MCC: variants seen among roughly 807,000 people sequenced by gnomAD.
MCC encodes MCC regulator of Wnt signaling pathway, also known as colorectal mutant cancer protein.
MCC carries 90 observed loss-of-function variants against 116.2 expected under a neutral mutation model. The observed-to-expected ratio is 0.77, with a 90% CI of 0.65 to 0.92. The LOEUF (loss-of-function observed/expected upper bound fraction) is 0.92. MCC is among the 40% of genes least tolerant of loss of function. The pLI, the probability that MCC is intolerant of heterozygous loss-of-function variation, is 0.00. For synonymous variants in MCC, 578 were observed against 510.5 expected (o/e 1.13, Z -1.78); for missense variants, 1,516 against 1,312.2 (o/e 1.16, Z -2.40).
At chr5:113,456,900 G>C (rs1338087966) in intron 1 of MCC, among the ~76,000 whole-genome samples, 1 of 152,070 alleles carries the variant, frequency 6.6e-6, no homozygotes, top group Non-Finnish European at 1.5e-5. Flanking sequence ...CAGATTTTCA[G>C]ATTTGGGGTG....
At chr5:113,222,744 AAC>A (rs1763597429) in intron 3 of MCC, among the ~76,000 whole-genome samples, 1 of 152,238 alleles carries the variant, frequency 6.6e-6, no homozygotes, top group African/African-American at 2.4e-5. Context: ...TACAGTGTCA[AAC>A]ACTCTGCTAG....
At chr5:113,140,816 G>A (rs181851064) in intron 5 of MCC, among the ~76,000 whole-genome samples, 2 of 152,242 alleles carry the variant, frequency 1.3e-5, no homozygotes, top group Admixed American at 6.5e-5. Context: ...GTAGACCGTG[G>A]GTATGCTAGG....
intron 2 of MCC, among the ~76,000 whole-genome samples, chr5:113,345,486 G>A (rs960956650): frequency 6.6e-5 from 10 of 152,200 alleles, no homozygotes; most frequent in East Asian, 1.9e-4. Context: ...CTTCAGGTCC[G>A]ACTCAGTGTA....
intron 3 of MCC, among the ~76,000 whole-genome samples, chr5:113,155,448 T>C (rs903798163): frequency 6.6e-6 from 1 of 152,226 alleles, no homozygotes; most frequent in African/African-American, 2.4e-5. Flanking sequence ...AGGGTTTTTT[T>C]AGGAACCTCC....
chr5:113,059,249 C>G (rs1299633896), intron 14 of MCC, among the ~76,000 whole-genome samples: 1 of 152,206 alleles, frequency 6.6e-6, no homozygotes, highest in South Asian at 2.1e-4. Flanking sequence ...TCAAGATAAA[C>G]CTCACAGCCC....
intron 3 of MCC, among the ~76,000 whole-genome samples, chr5:113,198,587 C>A (rs116693359): frequency 0.011 from 1,722 of 151,272 alleles, 11 homozygotes; most frequent in South Asian, 0.033. Context: ...ACCTGTGGTC[C>A]CAGCTACTCG....
chr5:113,041,847 T>C (rs1042980860), intron 17 of MCC, among the ~76,000 whole-genome samples: 2 of 151,880 alleles, frequency 1.3e-5, no homozygotes, highest in Non-Finnish European at 2.9e-5. Flanking sequence ...ATACAAAAAA[T>C]TAGCCAGGTG....
intron 1 of MCC, among the ~76,000 whole-genome samples, chr5:113,418,686 TATTATC>T (rs772583481): frequency 3.2e-3 from 320 of 101,098 alleles, no homozygotes; most frequent in African/African-American, 0.013. Flanking sequence ...TCTTCATCAT[TATTATC>T]ATCATCATCA....
At chr5:113,191,346 A>C (rs1762141486) in intron 3 of MCC, among the ~76,000 whole-genome samples, 1 of 152,174 alleles carries the variant, frequency 6.6e-6, no homozygotes, top group South Asian at 2.1e-4. Flanking sequence ...GAATAAGAGG[A>C]GGTCCCCTCA....
intron 1 of MCC, among the ~76,000 whole-genome samples, chr5:113,414,453 T>C (rs1224282166): frequency 6.6e-6 from 1 of 152,232 alleles, no homozygotes. Context: ...TGGGTGTTCC[T>C]GTATTGAGTG....
chr5:113,395,038 C>T (rs1769489860), intron 1 of MCC, among the ~76,000 whole-genome samples: 1 of 152,140 alleles, frequency 6.6e-6, no homozygotes, highest in Non-Finnish European at 1.5e-5. Flanking sequence ...GTTTGCAAAT[C>T]TGTACTAGGC....
intron 4 of MCC, among the ~76,000 whole-genome samples, chr5:113,144,529 T>TC (rs1759377542): frequency 6.6e-6 from 1 of 152,138 alleles, no homozygotes; most frequent in Non-Finnish European, 1.5e-5. Context: ...CCCCTGTCCC[T>TC]CCCTAAATCA....
chr5:113,071,105 G>C lies in MCC; in HGVS notation c.1914C>G (p.Ala638=), dbSNP rs1373802604. The change falls in exon 12 of 19, where the codon GCC becomes GCG. Residue 638 remains alanine (A), a synonymous_variant. Coordinates refer to ENST00000408903, the MANE Select transcript of MCC (RefSeq NM_001085377.2). The part of the protein sequence containing the change: ...YESNATALRL[A]LQYSEQCIEA... ...CAGTGTGTGCCTACCTGTACTGCAA[G>C]GCCAGCCTCAGCGCTGTGGCATTGG... 6.3e-7 allele frequency: 1 copy of C among 1,586,746 alleles called. No homozygotes were observed. Among genetic ancestry groups the C allele is most frequent in the Non-Finnish European group, 8.6e-7 (1 of 1,168,702 alleles).
intron 6 of MCC, among the ~76,000 whole-genome samples, chr5:113,109,796 T>G (rs969242830): frequency 6.6e-5 from 10 of 152,052 alleles, no homozygotes; most frequent in Non-Finnish European, 1.3e-4. Flanking sequence ...TAAAAAAAAT[T>G]TTCCCCTGTG....
At chr5:113,162,252 T>C (rs1276612692) in intron 3 of MCC, among the ~76,000 whole-genome samples, 1 of 152,084 alleles carries the variant, frequency 6.6e-6, no homozygotes, top group East Asian at 1.9e-4. Context: ...GAAAACAACA[T>C]GAAAAAACAG....
At chr5:113,327,561 A>ATATATAT (rs1554076392) in intron 3 of MCC, among the ~76,000 whole-genome samples, 17 of 80,560 alleles carry the variant, frequency 2.1e-4, no homozygotes, top group African/African-American at 8.0e-4. Context: ...AAAAAAAAAA[A>ATATATAT]ATATATATAT....
At chr5:113,370,350 C>G (rs1768806494) in intron 2 of MCC, among the ~76,000 whole-genome samples, 1 of 152,272 alleles carries the variant, frequency 6.6e-6, no homozygotes, top group Middle Eastern at 3.4e-3. Flanking sequence ...TTTGACATCC[C>G]AAACAGGGCA....
chr5:113,064,398 G>A (rs1186593790), intron 13 of MCC, among the ~76,000 whole-genome samples: 2 of 152,170 alleles, frequency 1.3e-5, no homozygotes, highest in African/African-American at 2.4e-5. Flanking sequence ...CTGGCCTCAG[G>A]GACAAGTGTA....
chr5:113,232,767 G>A (rs562875178), intron 3 of MCC, among the ~76,000 whole-genome samples: 20 of 152,216 alleles, frequency 1.3e-4, no homozygotes, highest in African/African-American at 4.8e-4. Context: ...CGGATCTTTA[G>A]AAAAACCCAG....
Sources: allele counts gnomAD v4.1 joint callset (sites outside exome capture counted in the v4.1 genomes callset), GRCh38; gene constraint gnomAD v4.1.1; transcripts MANE v1.5; gene names NCBI Gene and HGNC (gene_info 2026-07-23, HGNC 2026-07-21).